SVOPL: variants seen among roughly 807,000 people sequenced by gnomAD.
SVOPL encodes SVOP like.
Under a neutral mutation model 61.0 loss-of-function variants are expected in SVOPL, and 60 were observed. The observed-to-expected ratio is 0.98, with a 90% CI of 0.80 to 1.22. SVOPL has a LOEUF of 1.22. Ranked by LOEUF, SVOPL falls within the 50% of genes most tolerant of loss-of-function variation. The pLI is 0.00. For missense variants in SVOPL, 662 were observed against 643.9 expected (o/e 1.03, Z -0.30); for synonymous variants, 279 against 250.0 (o/e 1.12, Z -1.09).
intron 1 of SVOPL, among the ~76,000 whole-genome samples, chr7:138,688,621 A>AT (rs1296278895): frequency 1.3e-5 from 2 of 152,100 alleles, no homozygotes. Context: ...CTTTATAATT[A>AT]TTTTTTTAAA....
At chr7:138,615,555 G>A (rs62485286) in intron 14 of SVOPL, among the ~76,000 whole-genome samples, 1,623 of 31,610 alleles carry the variant, frequency 0.051, 203 homozygotes, top group African/African-American at 0.12. Flanking sequence ...GCGAGACTCC[G>A]TCTCCAAAAA....
chr7:138,678,225 C>G (rs1437712578), intron 3 of SVOPL, among the ~76,000 whole-genome samples: 2 of 151,588 alleles, frequency 1.3e-5, no homozygotes, highest in Non-Finnish European at 2.9e-5. Context: ...TCCCGCCTTT[C>G]TGGACCAAAT....
At chr7:138,626,888 C>G (rs1223242953) in intron 12 of SVOPL, among the ~76,000 whole-genome samples, 1 of 152,010 alleles carries the variant, frequency 6.6e-6, no homozygotes. Context: ...TGCTACCATC[C>G]CCTGGAAAAT....
At chr7:138,637,437 TATATAG>T (rs1351301578) in intron 9 of SVOPL, among the ~76,000 whole-genome samples, 3 of 31,062 alleles carry the variant, frequency 9.7e-5, no homozygotes, top group African/African-American at 5.4e-4. Context: ...CATATATATA[TATATAG>T]ATAGATAGAT....
At chr7:138,676,655 T>C (rs1055557809) in intron 3 of SVOPL, among the ~76,000 whole-genome samples, 2 of 152,132 alleles carry the variant, frequency 1.3e-5, no homozygotes, top group Non-Finnish European at 1.5e-5. Flanking sequence ...GATCTGAAAA[T>C]ATGTAATTAC....
intron 9 of SVOPL, among the ~76,000 whole-genome samples, chr7:138,640,637 A>C (rs1401991508): frequency 2.0e-5 from 3 of 152,202 alleles, no homozygotes. Flanking sequence ...GCTGGAGTCC[A>C]TTATCCTAAG....
intron 7 of SVOPL, among the ~76,000 whole-genome samples, chr7:138,652,082 C>T (rs752605590): frequency 2.0e-5 from 3 of 151,578 alleles, no homozygotes; most frequent in Non-Finnish European, 4.4e-5. Context: ...TTTTCCCCCT[C>T]GCTCTGTCAC....
chr7:138,612,436 T>TAAAAAAAAATAAAAAAAAAAA (rs1799086594), intron 14 of SVOPL, among the ~76,000 whole-genome samples: 1 of 17,856 alleles, frequency 5.6e-5, no homozygotes, highest in African/African-American at 2.3e-4. Context: ...AAATAAAAAA[T>TAAAAAAAAATAAAAAAAAAAA]AAAAAAAAAA....
At chr7:138,644,345 A>T (rs983774167) in intron 9 of SVOPL, among the ~76,000 whole-genome samples, 1 of 152,202 alleles carries the variant, frequency 6.6e-6, no homozygotes, top group South Asian at 2.1e-4. Context: ...TACCTTATAG[A>T]AACTATTTCA....
In SVOPL at chr7:138,672,123, A is replaced by T. The variant is rs1219632507; in HGVS notation, c.175-6T>A. The stretch of plus-strand genomic sequence containing the variant: ...ATCTCCATGGCCTCAACCACCTTAA[A>T]GAAGAGGGACACCATGCCATGTCTA... On this transcript the variant is annotated splice_polypyrimidine_tract_variant and splice_region_variant and intron_variant, in intron 3 of 15. Transcript: ENST00000674285. 4 of 1,551,470 alleles carry T rather than the reference A, an allele frequency of 2.6e-6. No homozygotes were observed. The highest frequency in any genetic ancestry group is 3.5e-6 in the Non-Finnish European group (4 of 1,146,770).
At chr7:138,622,587 G>A (rs113331509) in intron 13 of SVOPL, among the ~76,000 whole-genome samples, 9 of 152,002 alleles carry the variant, frequency 5.9e-5, no homozygotes, top group African/African-American at 1.4e-4. Flanking sequence ...GATTACAGGC[G>A]TGAGCCACCA....
Position 138,628,297 on chromosome 7 carries a change from C to T in SVOPL, c.930G>A (p.Leu310=). The change falls in exon 11 of 16, where the codon TTG becomes TTA. Residue 310 remains leucine (L), a synonymous_variant. Coordinates refer to ENST00000674285, the MANE Select transcript of SVOPL (RefSeq NM_001139456.2). The part of the protein sequence containing the change: ...LASAELLERD[L]VCGSKSDSAV... ...CAGAGTCTGACTTTGAACCACAGAC[C>T]AAGTCCCGCTCCAGCAGCTCAGCAC... is the stretch of plus-strand genomic sequence containing the variant. 1 of 1,614,178 alleles carries T rather than the reference C, an allele frequency of 6.2e-7. No individual in the cohort carries two copies. Among genetic ancestry groups the T allele is most frequent in the Non-Finnish European group, 8.5e-7 (1 of 1,180,042 alleles).
intron 9 of SVOPL, among the ~76,000 whole-genome samples, chr7:138,631,992 A>ACACACACACC (rs1224217933): frequency 6.6e-6 from 1 of 150,616 alleles, no homozygotes; most frequent in East Asian, 2.0e-4. Flanking sequence ...ACATACACAC[A>ACACACACACC]CCCCTACACC....
intron 4 of SVOPL, among the ~76,000 whole-genome samples, chr7:138,670,022 C>G: frequency 6.6e-6 from 1 of 152,102 alleles, no homozygotes; most frequent in East Asian, 1.9e-4. Flanking sequence ...TAAATATGTC[C>G]CAGAACACAC....
At chr7:138,634,023 G>A (rs974480803) in intron 9 of SVOPL, among the ~76,000 whole-genome samples, 2 of 152,182 alleles carry the variant, frequency 1.3e-5, no homozygotes, top group African/African-American at 4.8e-5. Flanking sequence ...CTCAGACACA[G>A]AGCATGAGCT....
intron 9 of SVOPL, 121 bp downstream of exon 9, chr7:138,644,596 C>A: frequency 7.4e-7 from 1 of 1,350,612 alleles, no homozygotes; most frequent in Non-Finnish European, 9.8e-7. Flanking sequence ...TCCTGGCCAT[C>A]GCCCTGCCTC....
chr7:138,634,535 C>T (rs988047843), intron 9 of SVOPL, among the ~76,000 whole-genome samples: 2 of 151,760 alleles, frequency 1.3e-5, no homozygotes, highest in African/African-American at 2.4e-5. Context: ...ATAGTCCCAG[C>T]TATTCAGGAG....
At chr7:138,700,031 G>A (rs1345376424) in intron 1 of SVOPL, among the ~76,000 whole-genome samples, 1 of 152,160 alleles carries the variant, frequency 6.6e-6, no homozygotes, top group African/African-American at 2.4e-5. Context: ...CAGGGCACAG[G>A]GCTGTTGGCA....
At chr7:138,674,791 G>A (rs970405018) in intron 3 of SVOPL, among the ~76,000 whole-genome samples, 2 of 151,430 alleles carry the variant, frequency 1.3e-5, no homozygotes, top group Non-Finnish European at 2.9e-5. Flanking sequence ...AGGAGGCACA[G>A]CTTGCAGTGA....
Sources: allele counts gnomAD v4.1 joint callset (sites outside exome capture counted in the v4.1 genomes callset), GRCh38; gene constraint gnomAD v4.1.1; transcripts MANE v1.5; gene names NCBI Gene and HGNC (gene_info 2026-07-23, HGNC 2026-07-21).